PPP1R13L: variants seen among roughly 807,000 people sequenced by gnomAD.
PPP1R13L encodes the protein relA-associated inhibitor.
Under a neutral mutation model 80.9 loss-of-function variants are expected in PPP1R13L, and 50 were observed. That is an observed-to-expected ratio of 0.62 (90% CI 0.49 to 0.78). The LOEUF is 0.78. PPP1R13L is among the 30% of genes least tolerant of loss of function. The pLI is 0.00. For missense variants in PPP1R13L, 1,200 were observed against 1,205.9 expected (o/e 1.00, Z 0.07); for synonymous variants, 602 against 534.3 (o/e 1.13, Z -1.75).
intron 1 of PPP1R13L, among the ~76,000 whole-genome samples, chr19:45,399,068 C>G (rs1342499239): frequency 6.6e-6 from 1 of 151,462 alleles, no homozygotes; most frequent in Non-Finnish European, 1.5e-5. Flanking sequence ...CTCAGCCTCC[C>G]GAGTAGCTGG....
At chr19:45,402,489 G>A (rs901140717) in intron 1 of PPP1R13L, among the ~76,000 whole-genome samples, 13 of 152,236 alleles carry the variant, frequency 8.5e-5, no homozygotes, top group Non-Finnish European at 4.4e-5. Flanking sequence ...TGGGGACGTC[G>A]GAGCCACCAG....
Position 45,380,107 on chromosome 19 carries a change from G to A in PPP1R13L, c.*83C>T. 2 of 1,500,784 alleles carry A rather than the reference G, an allele frequency of 1.3e-6. No homozygotes were observed. Among genetic ancestry groups the A allele is most frequent in the Non-Finnish European group, 1.9e-6 (2 of 1,080,478 alleles). The allele number at this position is 1,500,784 out of a possible 1,614,324, so 93.0% of individuals were successfully genotyped here. A position where few individuals can be genotyped will look rare whatever the true frequency, so the allele number is the denominator to read the frequency against. On this transcript the variant is annotated 3_prime_UTR_variant, in exon 13 of 13. Transcript: ENST00000360957. ...CAGCAGGGTGAGGGGTGCAGATAAA[G>A]GCAGCAAAAAACAGAGGGAGAGGTC... is the stretch of plus-strand genomic sequence containing the variant.
At chr19:45,400,727 A>C (rs1973215002) in intron 1 of PPP1R13L, among the ~76,000 whole-genome samples, 1 of 141,530 alleles carries the variant, frequency 7.1e-6, no homozygotes, top group African/African-American at 2.5e-5. Context: ...AGCTGAGACT[A>C]TAGGTATAGC....
Position 45,385,795 on chromosome 19 carries a change from C to T in PPP1R13L, c.2081+29G>A, listed in dbSNP as rs369666819. On this transcript the variant is annotated intron_variant, in intron 10 of 12. Coordinates refer to ENST00000360957, the MANE Select transcript of PPP1R13L (RefSeq NM_006663.4). ...AGGCTGCGCGTCCGCCCACGGGGGA[C>T]CCAGCCCACCGCGCGGGTCGGGGCT... 3.9e-5 allele frequency: 62 copies of T among 1,609,346 alleles called. 3 individuals are homozygous for T. The South Asian group carries it at 5.9e-4, about 15-fold the overall frequency.
At chr19:45,386,888 A>G (rs1273679102) in intron 8 of PPP1R13L, among the ~76,000 whole-genome samples, 1 of 151,510 alleles carries the variant, frequency 6.6e-6, no homozygotes, top group East Asian at 2.0e-4. Context: ...CACCCACCTC[A>G]GCCTCCCAAA....
In PPP1R13L at chr19:45,398,007, T is replaced by G; in HGVS notation, c.196A>C (p.Arg66=). The stretch of plus-strand genomic sequence containing the variant: ...ATCAAGGTGGGAACCAGGCTTACCC[T>G]AGAAGGGGGTCCGGCCTGCGGGCCA... ...PPGPQAGPPS[R]PPRYSSSSIP... is the part of the protein sequence containing the mutation. The change falls in exon 3 of 13, where the codon AGG becomes CGG. Residue 66 remains arginine (R), a splice_region_variant and synonymous_variant. Coordinates refer to ENST00000360957, the MANE Select transcript of PPP1R13L (RefSeq NM_006663.4). The G allele has an allele frequency of 6.2e-7, 1 of 1,610,542 alleles. No homozygotes were observed. The highest frequency in any genetic ancestry group is 8.5e-7 in the Non-Finnish European group (1 of 1,177,556).
chr19:45,392,649 G>A (rs1973001443), intron 7 of PPP1R13L: 1 of 465,086 alleles, frequency 2.2e-6, no homozygotes, highest in Admixed American at 3.3e-5. Flanking sequence ...CCTCAGAGAG[G>A]ACAAGTCAGT....
At position 45,396,987 on chromosome 19, in the gene PPP1R13L, G is replaced by A. The variant is rs759682200; in HGVS notation, c.270C>T (p.Thr90=). 6 of 1,381,752 alleles carry A rather than the reference G, an allele frequency of 4.3e-6. No individual in the cohort carries two copies. The highest frequency in any genetic ancestry group is 3.6e-5 in the South Asian group (2 of 55,178). The allele number at this position is 1,381,752 out of a possible 1,614,324, so 85.6% of individuals were successfully genotyped here. A position where few individuals can be genotyped will look rare whatever the true frequency, so the allele number is the denominator to read the frequency against. The change falls in exon 4 of 13, where the codon ACC becomes ACT. Residue 90 remains threonine (T), a synonymous_variant. Coordinates refer to ENST00000360957, the MANE Select transcript of PPP1R13L (RefSeq NM_006663.4). The surrounding 1 kb of genome is among the most constrained non-coding windows in gnomAD (Gnocchi z 5.3). ...GTCCGAACGGGGTGTCTGCGCCGTC[G>A]GTGGCCGCCTTCCGGGGGGACCCTC... ...GSRGSPRKAA[T]DGADTPFGRS... is the part of the protein sequence containing the mutation.
In PPP1R13L at chr19:45,380,583, C is replaced by T. The variant is rs557112633; in HGVS notation, c.2449-355G>A. Among the ~76,000 whole-genome samples, 9 of 152,114 alleles carry T rather than the reference C, an allele frequency of 5.9e-5. No individual in the cohort carries two copies. The South Asian group carries it at 1.5e-3, about 25-fold the overall frequency. ...CTATAATCCCAGCAGTTTGGGAGGCCGAGGTGGGTGGATGACCTGAGCTCA... is the reference window on the plus strand; with the variant it reads ...CTATAATCCCAGCAGTTTGGGAGGCTGAGGTGGGTGGATGACCTGAGCTCA... On this transcript the variant is annotated intron_variant, in intron 12 of 12. Coordinates refer to ENST00000360957, the MANE Select transcript of PPP1R13L (RefSeq NM_006663.4).
rs1311791502 is a variant in PPP1R13L at position 45,391,904 on chromosome 19, G to A, written c.1791C>T (p.Ser597=). Residue 597 remains serine (S), a synonymous_variant, in exon 8 of 13, where the codon AGC becomes AGT. Transcript: ENST00000360957. The part of the protein sequence containing the change: ...PIPPPAPSQS[S]PPEQPQSMEM... ...CCATGCTCTGCGGCTGCTCTGGTGG[G>A]CTGCTCTGGGACGGGGCCGGGGGTG... The A allele has an allele frequency of 6.7e-7, 1 of 1,489,556 alleles. No individual in the cohort carries two copies. Among genetic ancestry groups the A allele is most frequent in the Non-Finnish European group, 8.9e-7 (1 of 1,123,570 alleles). 92.3% of individuals were successfully genotyped at this position (1,489,556 alleles called of 1,614,324 possible).
At position 45,402,414 on chromosome 19, in the gene PPP1R13L, A is replaced by G. The variant is rs10417169; in HGVS notation, c.-22+2585T>C. On this transcript the variant is annotated intron_variant, in intron 1 of 12. Coordinates refer to ENST00000360957, the MANE Select transcript of PPP1R13L (RefSeq NM_006663.4). ...AATTTCCAAGATTCTCAGATTCCAT[A>G]CTGACATTCTCTGGCTCTCAGGAAA... is the stretch of plus-strand genomic sequence containing the variant. Among the ~76,000 whole-genome samples the G allele has an allele frequency of 7.1e-3, 1,084 of 152,300 alleles. 9 individuals carry two copies. The highest frequency in any genetic ancestry group is 0.024 in the African/African-American group (1,008 of 41,568).
chr19:45,383,990 C>G (rs1174252937), intron 11 of PPP1R13L, among the ~76,000 whole-genome samples: 1 of 151,932 alleles, frequency 6.6e-6, no homozygotes, highest in Non-Finnish European at 1.5e-5. Context: ...GTTTGGAAAT[C>G]CTGAGCTCAT....
intron 11 of PPP1R13L, among the ~76,000 whole-genome samples, 187 bp from the exon 12 acceptor site, chr19:45,382,913 G>C (rs978981799): frequency 1.3e-5 from 2 of 152,094 alleles, no homozygotes; most frequent in African/African-American, 2.4e-5. Context: ...GGCCGTCTTT[G>C]AGCGTTCGAG....
chr19:45,386,760 T>C (rs1026254115), intron 8 of PPP1R13L, among the ~76,000 whole-genome samples: 1 of 151,204 alleles, frequency 6.6e-6, no homozygotes, highest in Non-Finnish European at 1.5e-5. Flanking sequence ...CTCAGCCTCC[T>C]GAGTAGCTAG....
At chr19:45,402,975 G>A (rs571689997) in intron 1 of PPP1R13L, among the ~76,000 whole-genome samples, 1 of 152,302 alleles carries the variant, frequency 6.6e-6, no homozygotes, top group East Asian at 1.9e-4. Flanking sequence ...TGAATCTGGA[G>A]AGGCTCCACT....
rs756082078 is a variant in PPP1R13L at position 45,398,216 on chromosome 19, G to T, written c.55+48C>A. 33 of 1,612,750 alleles carry T rather than the reference G, an allele frequency of 2.0e-5. 1 individual carries two copies. Among genetic ancestry groups the T allele is most frequent in the Admixed American group, 8.3e-5 (5 of 59,946 alleles). On this transcript the variant is annotated intron_variant, in intron 2 of 12. Coordinates refer to ENST00000360957, the MANE Select transcript of PPP1R13L (RefSeq NM_006663.4). ...GGGCCGGCCTCAGCACCCCTCGCCC[G>T]CTGCCGAGGTCCCCGCCTCGCCAGC...
At chr19:45,405,141 G>A (rs868685590), upstream of PPP1R13L, 4 of 707,336 alleles carry the variant, frequency 5.7e-6, no homozygotes, top group Non-Finnish European at 6.9e-6. Flanking sequence ...GGTGGGGAGG[G>A]GGAGCCAAGG....
Position 45,396,825 on chromosome 19 carries a change from G to T in PPP1R13L, c.432C>A (p.Arg144=). Residue 144 remains arginine (R), a synonymous_variant, in exon 4 of 13, where the codon CGC becomes CGA. Coordinates refer to ENST00000360957, the MANE Select transcript of PPP1R13L (RefSeq NM_006663.4). This position sits in a 1 kb window ranked among gnomAD's most constrained non-coding sequence, Gnocchi z 5.3. The part of the protein sequence containing the change: ...SLDRATSPRP[R]AFDGAGSSLG... ...GGGAGCTGCCTGCGCCATCGAAGGC[G>T]CGGGGCCGGGGCGAGGTCGCGCGGT... The T allele has an allele frequency of 1.4e-6, 2 of 1,470,314 alleles. No individual in the cohort carries two copies. 91.1% of individuals were successfully genotyped at this position (1,470,314 alleles called of 1,614,324 possible).
At chr19:45,405,090 A>G, upstream of PPP1R13L, 1 of 983,058 alleles carries the variant, frequency 1.0e-6, no homozygotes, top group Non-Finnish European at 1.2e-6. Flanking sequence ...AGCTGGGAAC[A>G]GGTTAGACGA....
Sources: allele counts gnomAD v4.1 joint callset (sites outside exome capture counted in the v4.1 genomes callset), GRCh38; gene constraint gnomAD v4.1.1; non-coding constraint Gnocchi (gnomAD v3.1); transcripts MANE v1.5; gene names NCBI Gene and HGNC (gene_info 2026-07-23, HGNC 2026-07-21).